The following SGCD variants were observed in gnomAD, a reference collection of about 807,000 sequenced individuals.
SGCD encodes delta-sarcoglycan.
In SGCD, 18 loss-of-function variants were observed where a neutral mutation model predicts 36.6. That is an observed-to-expected ratio of 0.49 (90% confidence interval 0.34 to 0.73). The LOEUF (loss-of-function observed/expected upper bound fraction) is 0.73, where lower values mean the gene tolerates loss of function less well. SGCD is among the 30% of genes least tolerant of loss of function. SGCD has a pLI of 0.01. For missense variants in SGCD, 387 were observed against 346.7 expected (o/e 1.12, Z -0.92); for synonymous variants, 133 against 130.6 (o/e 1.02, Z -0.12).
chr5:155,998,490 C>T (rs1758600022), intron 1 of SGCD, among the ~76,000 whole-genome samples: 2 of 152,060 alleles, frequency 1.3e-5, no homozygotes, highest in Non-Finnish European at 2.9e-5. Context: ...CTGGGTTCCT[C>T]TATTGGCTTA....
chr5:156,021,512 C>G (rs568329112), intron 1 of SGCD, among the ~76,000 whole-genome samples: 1 of 152,126 alleles, frequency 6.6e-6, no homozygotes, highest in South Asian at 2.1e-4. Flanking sequence ...AGAGTTAGAG[C>G]CTGTCTCATA....
intron 1 of SGCD, among the ~76,000 whole-genome samples, chr5:156,015,913 A>ATATATCAT (rs1307643039): frequency 6.6e-6 from 1 of 150,404 alleles, no homozygotes; most frequent in East Asian, 1.9e-4. Flanking sequence ...ATATATATAT[A>ATATATCAT]TATATCATCC....
chr5:156,442,370 C>T (rs1753532505), intron 3 of SGCD, among the ~76,000 whole-genome samples: 1 of 152,186 alleles, frequency 6.6e-6, no homozygotes, highest in African/African-American at 2.4e-5. Flanking sequence ...AACCGCTCTA[C>T]CATTTCCCAT....
intron 3 of SGCD, among the ~76,000 whole-genome samples, chr5:156,215,012 A>C (rs2127642804): frequency 6.6e-6 from 1 of 152,202 alleles, no homozygotes; most frequent in South Asian, 2.1e-4. Context: ...TGAGCATCCC[A>C]AATCCAAAAT....
At chr5:156,267,174 G>T (rs1325800452) in intron 3 of SGCD, among the ~76,000 whole-genome samples, 2 of 152,146 alleles carry the variant, frequency 1.3e-5, no homozygotes, top group East Asian at 3.9e-4. Flanking sequence ...AACAAGTATT[G>T]AGTGCTTAGC....
chr5:155,780,478 A>G, the SGCD span, among the ~76,000 whole-genome samples: 1 of 152,160 alleles, frequency 6.6e-6, no homozygotes, highest in African/African-American at 2.4e-5. Context: ...AAAATTCGAA[A>G]TCCCCTGCTG....
At chr5:156,255,317 G>A (rs1311620774) in intron 3 of SGCD, among the ~76,000 whole-genome samples, 1 of 151,942 alleles carries the variant, frequency 6.6e-6, no homozygotes, top group African/African-American at 2.4e-5. Context: ...TACAATGTTG[G>A]GCTCAATTTG....
At chr5:156,701,092 A>C (rs1754513653) in intron 7 of SGCD, among the ~76,000 whole-genome samples, 1 of 152,106 alleles carries the variant, frequency 6.6e-6, no homozygotes, top group Non-Finnish European at 1.5e-5. Flanking sequence ...ATGACTCTTC[A>C]TTACTTACCT....
At chr5:156,305,867 TC>T (rs141393998) in intron 3 of SGCD, among the ~76,000 whole-genome samples, 5,088 of 152,312 alleles carry the variant, frequency 0.033, 230 homozygotes, top group African/African-American at 0.098. Flanking sequence ...TTTTGGAGCT[TC>T]AAAATTTGAC....
At chr5:156,096,972 T>C (rs187323741) in intron 1 of SGCD, among the ~76,000 whole-genome samples, 8 of 152,266 alleles carry the variant, frequency 5.3e-5, no homozygotes, top group Admixed American at 3.3e-4. Context: ...TTACCTGATA[T>C]AGAATTCATA....
chr5:156,068,377 A>G (rs1204141171), intron 1 of SGCD, among the ~76,000 whole-genome samples: 2 of 150,918 alleles, frequency 1.3e-5, no homozygotes, highest in African/African-American at 2.4e-5. Context: ...GCGGTGTTTG[A>G]TTTTTTGTTC....
At chr5:156,423,770 A>T (rs1001684918) in intron 3 of SGCD, among the ~76,000 whole-genome samples, 2 of 151,628 alleles carry the variant, frequency 1.3e-5, no homozygotes, top group Non-Finnish European at 2.9e-5. Flanking sequence ...GTATGTCTTG[A>T]CTCTAAAGTC....
Position 156,011,449 on chromosome 5 carries a change from G to GTT in SGCD, c.-281-106419_-281-106418dup, listed in dbSNP as rs200104490. Among the ~76,000 whole-genome samples the GTT allele has an allele frequency of 1.6e-4, 23 of 145,470 alleles. No individual in the cohort carries two copies. In the East Asian group the frequency reaches 3.2e-3, roughly 20 times the overall value. On this transcript the variant is annotated intron_variant, in intron 1 of 9. Coordinates refer to the SGCD transcript ENST00000517913. The stretch of plus-strand genomic sequence containing the variant: ...GAGAAATAATCTGCAGAATTCTATT[G>GTT]TTTTTTTTTTTAGATGAGTCTCGGT...
At chr5:156,459,909 A>T (rs1754412092) in intron 3 of SGCD, among the ~76,000 whole-genome samples, 1 of 152,150 alleles carries the variant, frequency 6.6e-6, no homozygotes, top group African/African-American at 2.4e-5. Context: ...GCTCATTTAC[A>T]GGGAAATCTT....
intron 3 of SGCD, among the ~76,000 whole-genome samples, chr5:156,434,895 T>C (rs893377696): frequency 2.6e-5 from 4 of 152,206 alleles, no homozygotes; most frequent in Non-Finnish European, 4.4e-5. Context: ...GGCTCAGTCA[T>C]TGAGGAGGCA....
At chr5:155,940,930 A>T (rs1366682180) in intron 1 of SGCD, among the ~76,000 whole-genome samples, 1 of 152,128 alleles carries the variant, frequency 6.6e-6, no homozygotes, top group Non-Finnish European at 1.5e-5. Context: ...TCATTTCATG[A>T]GGAGTGTCTT....
At chr5:156,218,325 A>G (rs540159558) in intron 3 of SGCD, among the ~76,000 whole-genome samples, 46 of 152,206 alleles carry the variant, frequency 3.0e-4, no homozygotes, top group Non-Finnish European at 5.6e-4. Context: ...GATATTACAT[A>G]TATCACTCTT....
At chr5:156,336,556 T>G (rs1191531661) in intron 2 of SGCD, among the ~76,000 whole-genome samples, 1 of 152,226 alleles carries the variant, frequency 6.6e-6, no homozygotes, top group Admixed American at 6.5e-5. Context: ...TTTATGTTTT[T>G]ATGGGACTAT....
chr5:156,343,231 A>G (rs1158392988), intron 2 of SGCD, among the ~76,000 whole-genome samples: 1 of 152,184 alleles, frequency 6.6e-6, no homozygotes, highest in Non-Finnish European at 1.5e-5. Flanking sequence ...TTACTAATTT[A>G]TTGCTATTGG....
Sources: allele counts gnomAD v4.1 joint callset (sites outside exome capture counted in the v4.1 genomes callset), GRCh38; gene constraint gnomAD v4.1.1; transcripts MANE v1.5; gene names NCBI Gene and HGNC (gene_info 2026-07-23, HGNC 2026-07-21).